Variants in AFG2A observed in about 807,000 individuals in gnomAD.
AFG2A encodes AAA ATPase AFG2A, also known as ATPase family gene 2 protein homolog A.
chr4:123,008,223 C>T, the AFG2A span, among the ~76,000 whole-genome samples: 24 of 152,136 alleles, frequency 1.6e-4, no homozygotes, highest in African/African-American at 2.9e-4. Context: ...AGAGATCACA[C>T]GGCAAGATGA....
chr4:123,265,983 G>A, the AFG2A span, among the ~76,000 whole-genome samples: 6 of 151,952 alleles, frequency 3.9e-5, no homozygotes, highest in Non-Finnish European at 8.8e-5. Context: ...GGAGGTGGGG[G>A]TTAGGTTCTG....
the AFG2A span, chr4:123,256,206 T>G: frequency 2.5e-4 from 397 of 1,608,894 alleles, no homozygotes; most frequent in Non-Finnish European, 3.3e-4. Context: ...TCAAAATACC[T>G]TAGTGGGAGG....
the AFG2A span, among the ~76,000 whole-genome samples, chr4:122,954,981 A>T: frequency 6.6e-6 from 1 of 150,924 alleles, no homozygotes; most frequent in Non-Finnish European, 1.5e-5. Flanking sequence ...CCCTTTCCTG[A>T]TCTTACGGTC....
chr4:123,277,040 G>C, the AFG2A span, among the ~76,000 whole-genome samples: 4 of 152,094 alleles, frequency 2.6e-5, no homozygotes, highest in Non-Finnish European at 5.9e-5. Context: ...AATTTGATAG[G>C]AATAGCACTG....
At chr4:122,947,359 C>A in the AFG2A span, 1 of 1,613,922 alleles carries the variant, frequency 6.2e-7, no homozygotes, top group Non-Finnish European at 8.5e-7. Flanking sequence ...TGCTCAGGAC[C>A]GGCTAGATAT....
At chr4:122,978,208 G>A in the AFG2A span, among the ~76,000 whole-genome samples, 2 of 152,148 alleles carry the variant, frequency 1.3e-5, no homozygotes, top group Non-Finnish European at 2.9e-5. Flanking sequence ...CAGCAGAGAG[G>A]AGACCTGGAG....
the AFG2A span, among the ~76,000 whole-genome samples, chr4:122,976,885 T>C: frequency 6.6e-6 from 1 of 152,246 alleles, no homozygotes; most frequent in African/African-American, 2.4e-5. Flanking sequence ...GATAAATCTT[T>C]TTGGCTTTTT....
chr4:123,231,655 G>A, the AFG2A span, among the ~76,000 whole-genome samples: 1 of 151,910 alleles, frequency 6.6e-6, no homozygotes, highest in Non-Finnish European at 1.5e-5. Flanking sequence ...CTAGCTTTTG[G>A]CCTTTCTCAG....
At chr4:123,263,101 G>A in the AFG2A span, among the ~76,000 whole-genome samples, 1 of 152,206 alleles carries the variant, frequency 6.6e-6, no homozygotes, top group African/African-American at 2.4e-5. Context: ...ATCCGAACTT[G>A]CTTTTCTCCT....
the AFG2A span, among the ~76,000 whole-genome samples, chr4:123,159,038 G>A: frequency 5.3e-5 from 8 of 152,156 alleles, no homozygotes; most frequent in Admixed American, 6.5e-5. Flanking sequence ...GGATTAGAGA[G>A]TGTTTATTTG....
the AFG2A span, among the ~76,000 whole-genome samples, chr4:122,974,501 C>A: frequency 6.6e-6 from 1 of 152,186 alleles, no homozygotes. Flanking sequence ...TACTCCTCAA[C>A]TTATGATGGG....
At chr4:123,084,377 G>A in the AFG2A span, among the ~76,000 whole-genome samples, 1 of 151,444 alleles carries the variant, frequency 6.6e-6, no homozygotes, top group African/African-American at 2.4e-5. Flanking sequence ...GTTGCTTAAG[G>A]TGAAAGCTTA....
At chr4:123,118,494 C>T in the AFG2A span, among the ~76,000 whole-genome samples, 11 of 151,092 alleles carry the variant, frequency 7.3e-5, no homozygotes, top group Admixed American at 7.3e-4. Context: ...TGGGCATTTT[C>T]CTCATCCTTT....
At chr4:123,065,689 C>CT in the AFG2A span, among the ~76,000 whole-genome samples, 2 of 151,990 alleles carry the variant, frequency 1.3e-5, no homozygotes, top group Admixed American at 6.6e-5. Context: ...TTTTGTCACT[C>CT]TAAGATGCCA....
At chr4:123,044,568 T>A in the AFG2A span, among the ~76,000 whole-genome samples, 2 of 152,220 alleles carry the variant, frequency 1.3e-5, no homozygotes, top group African/African-American at 4.8e-5. Context: ...CAAACTGGTA[T>A]CTTACCCTTA....
At chr4:123,130,468 T>C in the AFG2A span, among the ~76,000 whole-genome samples, 2 of 152,258 alleles carry the variant, frequency 1.3e-5, no homozygotes, top group Admixed American at 6.5e-5. Context: ...ACTACTGATC[T>C]GTCCTGTAGT....
chr4:123,174,621 A>G, the AFG2A span, among the ~76,000 whole-genome samples: 1 of 152,142 alleles, frequency 6.6e-6, no homozygotes, highest in Non-Finnish European at 1.5e-5. Context: ...CAGGTCAAAA[A>G]CAGAACCATG....
At chr4:122,924,027 AT>A in the AFG2A span, among the ~76,000 whole-genome samples, 1 of 152,236 alleles carries the variant, frequency 6.6e-6, no homozygotes, top group Non-Finnish European at 1.5e-5. Flanking sequence ...GAAAATTTAT[AT>A]TTGATGTGTA....
the AFG2A span, among the ~76,000 whole-genome samples, chr4:122,994,115 A>T: frequency 6.6e-6 from 1 of 152,134 alleles, no homozygotes; most frequent in African/African-American, 2.4e-5. Context: ...TTACCAAAGT[A>T]CAATAGTCTA....
Sources: allele counts gnomAD v4.1 joint callset (sites outside exome capture counted in the v4.1 genomes callset), GRCh38; gene constraint gnomAD v4.1.1; transcripts MANE v1.5; gene names NCBI Gene and HGNC (gene_info 2026-07-23, HGNC 2026-07-21).